SLIT2: variants seen among roughly 807,000 people sequenced by gnomAD.
The protein encoded by SLIT2 is slit homolog 2 protein.
In SLIT2, 41 loss-of-function variants were observed where a neutral mutation model predicts 185.7. The ratio of observed to expected loss-of-function variants is 0.22; its 90% CI spans 0.17 to 0.29. SLIT2 has a LOEUF of 0.29. SLIT2 is among the 10% of genes least tolerant of loss of function. The pLI is 1.00. For missense variants in SLIT2, 1,571 were observed against 1,909.0 expected (o/e 0.82, Z 3.30); for synonymous variants, 693 against 680.2 (o/e 1.02, Z -0.29).
intron 4 of SLIT2, among the ~76,000 whole-genome samples, chr4:20,390,527 G>A (rs1329241355): frequency 5.9e-5 from 9 of 152,020 alleles, no homozygotes; most frequent in Non-Finnish European, 1.3e-4. Context: ...AGTAGTTTGA[G>A]TTGAAACGTC....
intron 4 of SLIT2, among the ~76,000 whole-genome samples, chr4:20,281,991 A>G (rs915278005): frequency 5.3e-5 from 8 of 152,312 alleles, no homozygotes; most frequent in Middle Eastern, 3.4e-3. Flanking sequence ...TGCAGGAATA[A>G]CTGTTGTTAC....
intron 4 of SLIT2, among the ~76,000 whole-genome samples, chr4:20,298,553 G>T (rs1056326338): frequency 6.6e-6 from 1 of 152,174 alleles, no homozygotes. Flanking sequence ...TATATAACCT[G>T]CTCTTTAAAG....
intron 4 of SLIT2, among the ~76,000 whole-genome samples, chr4:20,304,155 A>G (rs1717316925): frequency 6.6e-6 from 1 of 152,180 alleles, no homozygotes; most frequent in South Asian, 2.1e-4. Flanking sequence ...TGTCACAAAA[A>G]GTTCCTACCA....
intron 30 of SLIT2, among the ~76,000 whole-genome samples, chr4:20,595,107 TCTATC>T (rs1205240058): frequency 6.6e-6 from 1 of 152,202 alleles, no homozygotes; most frequent in Non-Finnish European, 1.5e-5. Flanking sequence ...TATCAGTTCT[TCTATC>T]CTAACCCATT....
intron 4 of SLIT2, among the ~76,000 whole-genome samples, chr4:20,462,269 C>A (rs1207659338): frequency 6.6e-6 from 1 of 152,144 alleles, no homozygotes; most frequent in East Asian, 1.9e-4. Flanking sequence ...AATGAATAAA[C>A]CAGGTTTTCA....
At chr4:20,387,834 A>G (rs2109357551) in intron 4 of SLIT2, among the ~76,000 whole-genome samples, 1 of 152,288 alleles carries the variant, frequency 6.6e-6, no homozygotes, top group East Asian at 1.9e-4. Context: ...CTATGCCTCC[A>G]GTAGGGTATG....
chr4:20,256,615 T>G, intron 1 of SLIT2, 57 bp from the exon 2 acceptor site: 2 of 862,836 alleles, frequency 2.3e-6, no homozygotes, highest in South Asian at 3.0e-5. Context: ...AAACTTTACT[T>G]GAAGCAGGTA....
chr4:20,437,429 A>G (rs1729424652), intron 4 of SLIT2, among the ~76,000 whole-genome samples: 1 of 152,170 alleles, frequency 6.6e-6, no homozygotes, highest in African/African-American at 2.4e-5. Context: ...AGCCTGGGCA[A>G]CATAGGGAGA....
intron 3 of SLIT2, among the ~76,000 whole-genome samples, chr4:20,263,461 CAG>C (rs1339193469): frequency 4.0e-5 from 6 of 151,846 alleles, no homozygotes; most frequent in Admixed American, 1.3e-4. Flanking sequence ...AGTAAAAGCA[CAG>C]AGTGTGGATT....
rs770411162 is a variant in SLIT2, at chr4:20,550,852, G to A, written c.2515G>A (p.Val839Ile). Residue 839 changes from valine to isoleucine, a missense_variant, in exon 25 of 37, where the codon GTT becomes ATT. Physicochemically the swap from Val to Ile is conservative, Grantham distance 29. Coordinates refer to ENST00000504154, the MANE Select transcript of SLIT2 (RefSeq NM_004787.4). ...LLSLHGNDIS[V>I]VPEGAFNDLS... ...TTCTCTACATGGAAATGACATTTCTGTTGTGCCTGAAGGTGCTTTCAATGA... is the reference window on the plus strand; with the variant it reads ...TTCTCTACATGGAAATGACATTTCTATTGTGCCTGAAGGTGCTTTCAATGA... 5.0e-6 allele frequency: 8 copies of A among 1,607,508 alleles called. No homozygotes were observed. Among genetic ancestry groups the A allele is most frequent in the Non-Finnish European group, 6.8e-6 (8 of 1,175,260 alleles).
intron 4 of SLIT2, among the ~76,000 whole-genome samples, chr4:20,414,813 G>C (rs1234901983): frequency 6.6e-6 from 1 of 152,108 alleles, no homozygotes; most frequent in Non-Finnish European, 1.5e-5. Context: ...CCTTGCCTTT[G>C]TCTTTCAGCA....
chr4:20,431,657 GCTTTAACAAGACTTGCGAGAGTT>G (rs564011703), intron 4 of SLIT2, among the ~76,000 whole-genome samples: 183 of 152,312 alleles, frequency 1.2e-3, no homozygotes, highest in African/African-American at 3.9e-3. Context: ...GAGAGAGAGT[GCTTTAACAAGACTTGCGAGAGTT>G]CTTTGAAGAA....
At chr4:20,466,596 A>G (rs1714381371) in intron 4 of SLIT2, among the ~76,000 whole-genome samples, 1 of 152,146 alleles carries the variant, frequency 6.6e-6, no homozygotes, top group Admixed American at 6.6e-5. Context: ...CACACACTAA[A>G]TCTCCGTATC....
chr4:20,494,562 G>A (rs770547714), intron 9 of SLIT2, among the ~76,000 whole-genome samples: 5 of 152,054 alleles, frequency 3.3e-5, no homozygotes, highest in Non-Finnish European at 7.4e-5. Flanking sequence ...AGATCATGAG[G>A]TCAGGAGATC....
At chr4:20,377,851 C>T (rs773905760) in intron 4 of SLIT2, among the ~76,000 whole-genome samples, 5 of 151,966 alleles carry the variant, frequency 3.3e-5, no homozygotes, top group African/African-American at 4.8e-5. Flanking sequence ...ATTCATACAA[C>T]GAGTAGCAAA....
chr4:20,476,786 G>A (rs940375299), intron 5 of SLIT2, among the ~76,000 whole-genome samples: 10 of 152,086 alleles, frequency 6.6e-5, no homozygotes, highest in African/African-American at 1.9e-4. Flanking sequence ...AAAGAATAAA[G>A]CAGGAAATTC....
At chr4:20,420,471 C>T (rs1310526229) in intron 4 of SLIT2, among the ~76,000 whole-genome samples, 1 of 152,088 alleles carries the variant, frequency 6.6e-6, no homozygotes, top group African/African-American at 2.4e-5. Flanking sequence ...TTCAACTTTA[C>T]CTGAAAATAA....
chr4:20,285,871 C>A (rs1715216319), intron 4 of SLIT2, among the ~76,000 whole-genome samples: 1 of 152,174 alleles, frequency 6.6e-6, no homozygotes, highest in African/African-American at 2.4e-5. Context: ...ATACAGTCTT[C>A]ATTCTACAAA....
chr4:20,307,612 C>T (rs1340470184), intron 4 of SLIT2, among the ~76,000 whole-genome samples: 1 of 152,076 alleles, frequency 6.6e-6, no homozygotes, highest in African/African-American at 2.4e-5. Context: ...TCTATATATG[C>T]AGTTACTCTT....
Sources: allele counts gnomAD v4.1 joint callset (sites outside exome capture counted in the v4.1 genomes callset), GRCh38; gene constraint gnomAD v4.1.1; transcripts MANE v1.5; gene names NCBI Gene and HGNC (gene_info 2026-07-23, HGNC 2026-07-21).